Variants in DNM3 observed in about 807,000 individuals in gnomAD.
The protein encoded by DNM3 is dynamin 3.
DNM3 carries 47 observed loss-of-function variants against 101.6 expected under a neutral mutation model. The ratio of observed to expected loss-of-function variants is 0.46; its 90% CI spans 0.37 to 0.59. The LOEUF is 0.59. Ranked by LOEUF, DNM3 falls within the 20% of genes least tolerant of loss-of-function variation. The pLI, the probability that DNM3 is intolerant of heterozygous loss-of-function variation, is 0.00. For missense variants in DNM3, 849 were observed against 1,085.7 expected (o/e 0.78, Z 3.06); for synonymous variants, 385 against 387.9 (o/e 0.99, Z 0.09).
downstream of DNM3, among the ~76,000 whole-genome samples, chr1:172,417,241 T>C (rs541039112): frequency 3.3e-5 from 5 of 152,290 alleles, no homozygotes; most frequent in East Asian, 9.6e-4. Context: ...CCTATAATGT[T>C]GAGTTCATTA....
At chr1:172,388,832 G>T (rs756996996) in intron 20 of DNM3, 23 bp downstream of exon 20, 9 of 1,529,686 alleles carry the variant, frequency 5.9e-6, no homozygotes, top group East Asian at 2.4e-5. Flanking sequence ...GCAGAAATTG[G>T]GGGGGTAGTG....
intron 1 of DNM3, among the ~76,000 whole-genome samples, chr1:171,885,448 G>A (rs1377777043): frequency 6.6e-6 from 1 of 152,042 alleles, no homozygotes; most frequent in Non-Finnish European, 1.5e-5. Context: ...AGAGTACATA[G>A]CCATGTTTGA....
chr1:172,148,380 T>A (rs2058001098), intron 14 of DNM3, among the ~76,000 whole-genome samples: 1 of 151,896 alleles, frequency 6.6e-6, no homozygotes, highest in African/African-American at 2.4e-5. Context: ...GGTATGCATG[T>A]GGTTTCTGGT....
At chr1:172,339,677 C>T (rs753680761) in intron 17 of DNM3, among the ~76,000 whole-genome samples, 6 of 152,306 alleles carry the variant, frequency 3.9e-5, no homozygotes, top group South Asian at 2.1e-4. Context: ...ACAAGCCCAC[C>T]GTCTTTCATA....
At chr1:172,215,657 T>A (rs1335470254) in intron 14 of DNM3, among the ~76,000 whole-genome samples, 4 of 151,862 alleles carry the variant, frequency 2.6e-5, no homozygotes, top group African/African-American at 7.3e-5. Context: ...CAAAAACAAA[T>A]TTTTAAGGTA....
intron 15 of DNM3, among the ~76,000 whole-genome samples, chr1:172,277,348 G>A (rs538620062): frequency 3.2e-4 from 48 of 152,164 alleles, no homozygotes; most frequent in East Asian, 2.3e-3. Context: ...ATTTCACAGC[G>A]TTTTAGTAGT....
rs376122855 is a variant in DNM3, at chr1:172,398,250, T to G, written c.2522+9441T>G. ...GCACTCTAGTCCTTCTGATTTCCCT[T>G]GTTTCTCAGATGATCCCTACGCCCA... On this transcript the variant is annotated intron_variant, in intron 20 of 20. Coordinates refer to ENST00000627582, the MANE Select transcript of DNM3 (RefSeq NM_015569.5). Among the ~76,000 whole-genome samples the G allele has an allele frequency of 2.0e-4, 31 of 152,316 alleles. 1 individual carries two copies. Among genetic ancestry groups the G allele is most frequent in the Admixed American group, 1.1e-3 (17 of 15,292 alleles).
chr1:172,093,676 A>T, intron 13 of DNM3: 1 of 1,603,842 alleles, frequency 6.2e-7, no homozygotes, highest in African/African-American at 1.3e-5. Flanking sequence ...ACTAAAGCAT[A>T]TAATTCTTTG....
At chr1:172,379,842 C>A (rs2068802708) in intron 18 of DNM3, among the ~76,000 whole-genome samples, 1 of 151,742 alleles carries the variant, frequency 6.6e-6, no homozygotes, top group East Asian at 1.9e-4. Flanking sequence ...TGATTTAGTT[C>A]TTTTGGTAGT....
chr1:171,869,290 C>T (rs1308547357), intron 1 of DNM3, among the ~76,000 whole-genome samples: 2 of 152,074 alleles, frequency 1.3e-5, no homozygotes, highest in African/African-American at 2.4e-5. Flanking sequence ...CTTTGCCCTC[C>T]CCATCTGGTG....
intron 14 of DNM3, among the ~76,000 whole-genome samples, chr1:172,190,272 C>G (rs1572885462): frequency 6.6e-6 from 1 of 152,100 alleles, no homozygotes; most frequent in African/African-American, 2.4e-5. Context: ...GTTTGGTTTT[C>G]TGTCCTTGCG....
chr1:172,254,919 G>C (rs1023991156), intron 15 of DNM3, among the ~76,000 whole-genome samples: 1 of 152,066 alleles, frequency 6.6e-6, no homozygotes, highest in African/African-American at 2.4e-5. Context: ...TAAGTCATTA[G>C]GTAACAGAAT....
intron 17 of DNM3, among the ~76,000 whole-genome samples, chr1:172,355,774 A>T (rs923036109): frequency 6.6e-6 from 1 of 152,176 alleles, no homozygotes; most frequent in Admixed American, 6.6e-5. Flanking sequence ...TAGGACACGA[A>T]GGACAGGCTG....
At chr1:172,302,735 C>T (rs1226261764) in intron 15 of DNM3, among the ~76,000 whole-genome samples, 1 of 152,130 alleles carries the variant, frequency 6.6e-6, no homozygotes, top group Non-Finnish European at 1.5e-5. Flanking sequence ...CCAAGGCAAA[C>T]AGGGTCTGGA....
At chr1:172,373,180 A>C (rs2068433998) in intron 17 of DNM3, among the ~76,000 whole-genome samples, 2 of 152,220 alleles carry the variant, frequency 1.3e-5, no homozygotes, top group South Asian at 4.1e-4. Flanking sequence ...AAAAAGAGAA[A>C]TTTGAGGGAC....
intron 14 of DNM3, among the ~76,000 whole-genome samples, chr1:172,200,552 G>T (rs1411154223): frequency 6.6e-6 from 1 of 152,160 alleles, no homozygotes; most frequent in Non-Finnish European, 1.5e-5. Flanking sequence ...GTGATTTGTA[G>T]ATTTGGCATC....
At chr1:172,317,027 T>C (rs2065407719) in intron 16 of DNM3, among the ~76,000 whole-genome samples, 1 of 152,094 alleles carries the variant, frequency 6.6e-6, no homozygotes, top group Admixed American at 6.5e-5. Context: ...ACAGAAGTTA[T>C]AACAAACTGT....
At chr1:172,137,300 T>C (rs2057292402) in intron 14 of DNM3, 1 of 152,224 alleles carries the variant, frequency 6.6e-6, no homozygotes, top group Non-Finnish European at 1.5e-5. Flanking sequence ...TAGGACTTTA[T>C]TTGCTAGTAA....
chr1:172,125,903 T>C (rs2056594755), intron 13 of DNM3, among the ~76,000 whole-genome samples: 1 of 152,180 alleles, frequency 6.6e-6, no homozygotes, highest in Non-Finnish European at 1.5e-5. Flanking sequence ...CTAATCCTAT[T>C]TGTCTTGGCA....
Sources: allele counts gnomAD v4.1 joint callset (sites outside exome capture counted in the v4.1 genomes callset), GRCh38; gene constraint gnomAD v4.1.1; transcripts MANE v1.5; gene names NCBI Gene and HGNC (gene_info 2026-07-23, HGNC 2026-07-21).